The following CAMKMT variants were observed in gnomAD, a reference collection of about 807,000 sequenced individuals.
CAMKMT encodes CaM KMT.
Under a neutral mutation model 48.0 loss-of-function variants are expected in CAMKMT, and 53 were observed. The ratio of observed to expected loss-of-function variants is 1.10; its 90% confidence interval spans 0.89 to 1.39. The LOEUF (loss-of-function observed/expected upper bound fraction) is 1.39, where lower values mean the gene tolerates loss of function less well. Ranked by LOEUF, CAMKMT falls within the 40% of genes most tolerant of loss-of-function variation. CAMKMT has a pLI of 0.00. For missense variants in CAMKMT, 428 were observed against 402.7 expected (o/e 1.06, Z -0.54); for synonymous variants, 165 against 152.3 (o/e 1.08, Z -0.61).
At chr2:44,621,530 G>A (rs1051242702) in intron 3 of CAMKMT, among the ~76,000 whole-genome samples, 1 of 152,168 alleles carries the variant, frequency 6.6e-6, no homozygotes, top group Non-Finnish European at 1.5e-5. Context: ...AAAGCTGGGA[G>A]AACATATTCT....
chr2:44,431,722 A>G (rs1206314817), intron 3 of CAMKMT, among the ~76,000 whole-genome samples: 1 of 152,254 alleles, frequency 6.6e-6, no homozygotes, highest in East Asian at 1.9e-4. Flanking sequence ...TATTGTTGAG[A>G]TACTGGGGTT....
At chr2:44,642,919 C>T (rs1673525415) in intron 3 of CAMKMT, among the ~76,000 whole-genome samples, 1 of 152,088 alleles carries the variant, frequency 6.6e-6, no homozygotes, top group Non-Finnish European at 1.5e-5. Context: ...GGTAAAGGCT[C>T]ATATTGAGTG....
chr2:44,437,483 C>G (rs748508744), intron 3 of CAMKMT, among the ~76,000 whole-genome samples: 2 of 141,002 alleles, frequency 1.4e-5, no homozygotes, highest in Admixed American at 6.8e-5. Context: ...TATTTAATTC[C>G]TTTATGTCCA....
intron 3 of CAMKMT, among the ~76,000 whole-genome samples, chr2:44,515,043 G>C (rs182989120): frequency 6.6e-6 from 1 of 152,202 alleles, no homozygotes; most frequent in Non-Finnish European, 1.5e-5. Context: ...AAATAAAGCT[G>C]ACCTGATATA....
At chr2:44,546,309 A>G (rs2095295260) in intron 3 of CAMKMT, among the ~76,000 whole-genome samples, 1 of 152,126 alleles carries the variant, frequency 6.6e-6, no homozygotes, top group Admixed American at 6.5e-5. Context: ...CTTGTCCTGG[A>G]AATTCCAACT....
At chr2:44,750,579 T>A (rs1680113221) in intron 8 of CAMKMT, among the ~76,000 whole-genome samples, 1 of 152,214 alleles carries the variant, frequency 6.6e-6, no homozygotes, top group South Asian at 2.1e-4. Flanking sequence ...AAGCTGAAGA[T>A]GTATGTCTCA....
intron 3 of CAMKMT, among the ~76,000 whole-genome samples, chr2:44,542,415 A>G (rs1172692008): frequency 6.6e-6 from 1 of 151,556 alleles, no homozygotes; most frequent in Admixed American, 6.6e-5. Flanking sequence ...GTGTTGCAAC[A>G]AAAAAAATAG....
chr2:44,474,158 G>C (rs1375141609), intron 3 of CAMKMT, among the ~76,000 whole-genome samples: 1 of 151,964 alleles, frequency 6.6e-6, no homozygotes, highest in African/African-American at 2.4e-5. Context: ...AATTTAGTAA[G>C]CATTGGGCCG....
chr2:44,418,087 G>A (rs2104500936), intron 3 of CAMKMT, among the ~76,000 whole-genome samples: 2 of 151,818 alleles, frequency 1.3e-5, no homozygotes, highest in African/African-American at 4.8e-5. Context: ...AAATACTCTG[G>A]AGGCTGAGGC....
intron 3 of CAMKMT, among the ~76,000 whole-genome samples, chr2:44,491,886 C>T (rs749397580): frequency 3.3e-5 from 5 of 152,270 alleles, no homozygotes; most frequent in Middle Eastern, 6.8e-3. Context: ...GCATGAAATT[C>T]AGGAAATGTT....
intron 2 of CAMKMT, among the ~76,000 whole-genome samples, chr2:44,373,149 T>G (rs1233793517): frequency 6.6e-6 from 1 of 152,232 alleles, no homozygotes; most frequent in East Asian, 1.9e-4. Context: ...CATTTAAACA[T>G]TCTGTCATAA....
chr2:44,644,474 G>A (rs1461336093), intron 3 of CAMKMT, among the ~76,000 whole-genome samples: 2 of 152,212 alleles, frequency 1.3e-5, no homozygotes, highest in African/African-American at 2.4e-5. Context: ...ACATATGGAA[G>A]TTTTGATGTA....
chr2:44,574,178 C>T (rs955534741), intron 3 of CAMKMT, among the ~76,000 whole-genome samples: 30 of 152,244 alleles, frequency 2.0e-4, no homozygotes, highest in African/African-American at 6.5e-4. Context: ...TCCCTAGAAA[C>T]GGCTATTATA....
At chr2:44,580,357 A>G (rs1450596825) in intron 3 of CAMKMT, among the ~76,000 whole-genome samples, 2 of 152,198 alleles carry the variant, frequency 1.3e-5, no homozygotes, top group African/African-American at 4.8e-5. Flanking sequence ...AATGCTTGAA[A>G]AATTATGAGT....
At chr2:44,530,722 A>T (rs1197836260) in intron 3 of CAMKMT, among the ~76,000 whole-genome samples, 1 of 152,070 alleles carries the variant, frequency 6.6e-6, no homozygotes, top group African/African-American at 2.4e-5. Flanking sequence ...CCCTGCCCCT[A>T]TCTTATATAT....
At chr2:44,751,310 G>A (rs1306922139) in intron 8 of CAMKMT, among the ~76,000 whole-genome samples, 1 of 152,140 alleles carries the variant, frequency 6.6e-6, no homozygotes, top group African/African-American at 2.4e-5. Context: ...ACAATTAGAT[G>A]TGAGAGGCAG....
intron 8 of CAMKMT, among the ~76,000 whole-genome samples, chr2:44,744,525 G>A (rs1027919926): frequency 6.6e-6 from 1 of 152,116 alleles, no homozygotes; most frequent in Admixed American, 6.5e-5. Context: ...TATTTTCCCT[G>A]TTAAGAGTAA....
intron 3 of CAMKMT, among the ~76,000 whole-genome samples, chr2:44,460,716 C>CTTTTTTTTT (rs1202949999): frequency 9.7e-6 from 1 of 103,236 alleles, no homozygotes; most frequent in Non-Finnish European, 2.0e-5. Flanking sequence ...GTGATAGATT[C>CTTTTTTTTT]TTTTTTTTTT....
intron 3 of CAMKMT, among the ~76,000 whole-genome samples, chr2:44,611,587 C>A (rs1039226751): frequency 1.3e-5 from 2 of 152,052 alleles, no homozygotes; most frequent in African/African-American, 4.8e-5. Context: ...CTGGAACACC[C>A]ACAAAAGGGA....
Sources: allele counts gnomAD v4.1 joint callset (sites outside exome capture counted in the v4.1 genomes callset), GRCh38; gene constraint gnomAD v4.1.1; transcripts MANE v1.5; gene names NCBI Gene and HGNC (gene_info 2026-07-23, HGNC 2026-07-21).